PRDM11: variants seen among roughly 807,000 people sequenced by gnomAD.
PRDM11 encodes PR/SET domain 11, also known as PR domain-containing protein 11.
PRDM11 carries 20 observed loss-of-function variants against 97.8 expected under a neutral mutation model. The observed-to-expected ratio is 0.20, with a 90% CI of 0.14 to 0.30. PRDM11 has a LOEUF of 0.30. PRDM11 is among the 10% of genes least tolerant of loss of function. PRDM11 has a pLI of 1.00. For synonymous variants in PRDM11, 599 were observed against 637.7 expected, an observed-to-expected ratio of 0.94 and a Z score of 0.91; for missense variants, 1,139 against 1,555.2, an observed-to-expected ratio of 0.73 and a Z score of 4.50.
intron 1 of PRDM11, among the ~76,000 whole-genome samples, chr11:45,125,346 C>T (rs937004876): frequency 9.2e-5 from 14 of 152,156 alleles, no homozygotes; most frequent in Admixed American, 3.9e-4. Flanking sequence ...TCCTTAAGTT[C>T]TGCTCTGATT....
chr11:45,160,937 A>G (rs762711601), intron 1 of PRDM11, among the ~76,000 whole-genome samples: 2 of 152,094 alleles, frequency 1.3e-5, no homozygotes, highest in African/African-American at 4.8e-5. Context: ...TTTCCTTCAC[A>G]TACAGGGTTT....
chr11:45,224,815 G>A lies in PRDM11; in HGVS notation c.1341G>A (p.Leu447=), dbSNP rs1854229332. The change falls in exon 7 of 8, where the codon CTG becomes CTA. Residue 447 remains leucine, a synonymous_variant. Transcript: ENST00000683152. ...CCCCCGTATTGCCACCACAGGTACT[G>A]GAGCTCCCAGAGTTCTCGGACCCTG... ...PEPPVLPPQV[L]ELPEFSDPAA... The A allele has an allele frequency of 6.2e-7, 1 of 1,614,004 alleles. No individual in the cohort carries two copies. The highest frequency in any genetic ancestry group is 8.5e-7 in the Non-Finnish European group (1 of 1,180,046).
At chr11:45,168,370 C>T (rs912781097) in intron 1 of PRDM11, among the ~76,000 whole-genome samples, 14 of 152,260 alleles carry the variant, frequency 9.2e-5, no homozygotes, top group African/African-American at 3.4e-4. Flanking sequence ...ATGGTGTTTC[C>T]TCAGGTCCTA....
At chr11:45,164,677 C>G (rs1269957480) in intron 1 of PRDM11, among the ~76,000 whole-genome samples, 1 of 152,210 alleles carries the variant, frequency 6.6e-6, no homozygotes, top group Non-Finnish European at 1.5e-5. Context: ...GAGGCTGGAA[C>G]TTGGGCTAAA....
intron 1 of PRDM11, among the ~76,000 whole-genome samples, chr11:45,100,823 T>C (rs937068967): frequency 4.6e-5 from 7 of 152,208 alleles, no homozygotes; most frequent in Non-Finnish European, 8.8e-5. Flanking sequence ...TTTTCTCTCA[T>C]TGGATGTGCA....
At chr11:45,197,203 T>A (rs56334353) in intron 4 of PRDM11, among the ~76,000 whole-genome samples, 142 of 152,324 alleles carry the variant, frequency 9.3e-4, no homozygotes, top group African/African-American at 3.4e-3. Flanking sequence ...TGCAACAACA[T>A]GGGTAAACCT....
Position 45,226,916 on chromosome 11 carries a change from G to A in PRDM11, c.2291G>A (p.Arg764Gln), listed in dbSNP as rs1325744399. The A allele has an allele frequency of 1.6e-5, 25 of 1,533,794 alleles. No homozygotes were observed. The highest frequency in any genetic ancestry group is 2.0e-5 in the Non-Finnish European group (23 of 1,146,738). ...WLLCLPFMVHRPHLEILDAIS... is the reference protein window; with the variant it reads ...WLLCLPFMVHQPHLEILDAIS... ...CTGTGCCTGCCCTTCATGGTGCACC[G>A]GCCCCACCTGGAGATCCTGGATGCC... is the stretch of plus-strand genomic sequence containing the variant. Residue 764 changes from arginine (R) to glutamine (Q), a missense_variant, in exon 8 of 8, where the codon CGG (arginine) becomes CAG (glutamine). By Grantham distance (43) the Arg-to-Gln change is conservative. This residue lies in a region of PRDM11 where 710 missense variants were observed against 1,044.9 expected (regional missense o/e 0.68). Coordinates refer to ENST00000683152, the MANE Select transcript of PRDM11 (RefSeq NM_001384648.1).
intron 1 of PRDM11, among the ~76,000 whole-genome samples, chr11:45,120,919 G>A (rs571574281): frequency 1.3e-5 from 2 of 152,220 alleles, no homozygotes; most frequent in South Asian, 4.1e-4. Flanking sequence ...ACTGTTGTAA[G>A]GTTCTTGCAT....
chr11:45,169,239 G>A (rs374433147), intron 1 of PRDM11, among the ~76,000 whole-genome samples: 4 of 152,174 alleles, frequency 2.6e-5, no homozygotes, highest in African/African-American at 7.2e-5. Flanking sequence ...ACAATTAATA[G>A]CCCCTAGGCA....
intron 1 of PRDM11, among the ~76,000 whole-genome samples, chr11:45,096,388 C>T (rs1565215876): frequency 1.3e-5 from 2 of 152,198 alleles, no homozygotes; most frequent in Non-Finnish European, 2.9e-5. Context: ...CACGTCTTAA[C>T]ATTTTTAGGT....
At chr11:45,208,330 G>A (rs959981795) in intron 5 of PRDM11, among the ~76,000 whole-genome samples, 1 of 152,186 alleles carries the variant, frequency 6.6e-6, no homozygotes, top group Non-Finnish European at 1.5e-5. Context: ...CATTGTCACT[G>A]CTACACCCAA....
intron 1 of PRDM11, among the ~76,000 whole-genome samples, chr11:45,136,989 C>CAAAA (rs759854361): frequency 1.0e-4 from 11 of 110,066 alleles, no homozygotes; most frequent in African/African-American, 1.8e-4. Flanking sequence ...ACTAAAAATA[C>CAAAA]AAAAAAAAAA....
At chr11:45,212,335 C>G (rs558776358) in intron 5 of PRDM11, 6 of 326,626 alleles carry the variant, frequency 1.8e-5, no homozygotes, top group Admixed American at 8.2e-5. Flanking sequence ...TCTCTATGGG[C>G]GGGGGCCAAA....
intron 1 of PRDM11, among the ~76,000 whole-genome samples, chr11:45,168,503 C>T (rs895732739): frequency 2.0e-5 from 3 of 152,260 alleles, no homozygotes; most frequent in East Asian, 1.9e-4. Context: ...TTCCTGTCTC[C>T]CTCTGCCTCC....
chr11:45,210,918 C>T (rs1221922826), intron 5 of PRDM11, among the ~76,000 whole-genome samples: 1 of 152,178 alleles, frequency 6.6e-6, no homozygotes, highest in Non-Finnish European at 1.5e-5. Context: ...AGCCTGTTCC[C>T]TGCATCCTGC....
In PRDM11 at chr11:45,104,334, G is replaced by A. The variant is rs377645126; in HGVS notation, c.96+8433G>A. Reference sequence around the variant, plus strand: ...GCAGCACAGGGCACAGGGCTGGACAGGCAGATCTGGGTCTGAATTCAGGAT... The same window carrying A: ...GCAGCACAGGGCACAGGGCTGGACAAGCAGATCTGGGTCTGAATTCAGGAT... On this transcript the variant is annotated intron_variant, in intron 1 of 6. Transcript: ENST00000530656. Among the ~76,000 whole-genome samples, 21 of 152,376 alleles carry A rather than the reference G, an allele frequency of 1.4e-4. No homozygotes were observed. The East Asian group carries it at 1.5e-3, about 11-fold the overall frequency.
chr11:45,126,656 A>G, intron 1 of PRDM11, among the ~76,000 whole-genome samples: 1 of 152,156 alleles, frequency 6.6e-6, no homozygotes, highest in Non-Finnish European at 1.5e-5. Context: ...AGAATGTTGA[A>G]TATTGGCCCC....
upstream of PRDM11, among the ~76,000 whole-genome samples, chr11:45,143,807 G>A (rs149759239): frequency 4.6e-5 from 7 of 152,304 alleles, no homozygotes; most frequent in East Asian, 1.4e-3. Flanking sequence ...AACCCAGAAG[G>A]TGTGTACCAT....
intron 6 of PRDM11, among the ~76,000 whole-genome samples, chr11:45,220,111 C>G (rs1316302189): frequency 6.6e-6 from 1 of 152,104 alleles, no homozygotes; most frequent in African/African-American, 2.4e-5. Flanking sequence ...CAATAATGAT[C>G]GTAATAATAG....
Sources: allele counts gnomAD v4.1 joint callset (sites outside exome capture counted in the v4.1 genomes callset), GRCh38; gene constraint gnomAD v4.1.1; regional missense constraint gnomAD v4.1.1; transcripts MANE v1.5; gene names NCBI Gene and HGNC (gene_info 2026-07-23, HGNC 2026-07-21).